PABIR3: variants seen among roughly 807,000 people sequenced by gnomAD.
PABIR3 encodes the protein PABIR family member 1.
Under a neutral mutation model 23.1 loss-of-function variants are expected in PABIR3, and 20 were observed. That is an observed-to-expected ratio of 0.86 (90% confidence interval 0.61 to 1.26). The LOEUF (loss-of-function observed/expected upper bound fraction) is 1.26, where lower values mean the gene tolerates loss of function less well. Among genes scored for constraint, PABIR3 ranks in the 50% most tolerant of loss-of-function variants. The pLI, the probability that PABIR3 is intolerant of heterozygous loss-of-function variation, is 0.00. For synonymous variants in PABIR3, 69 were observed against 68.5 expected (o/e 1.01, Z -0.04); for missense variants, 189 against 195.4 (o/e 0.97, Z 0.20).
rs969550539 is a variant in PABIR3 at position 134,854,552 on chromosome X, A to G, written c.*335A>G. On this transcript the variant is annotated 3_prime_UTR_variant, in exon 11 of 11. Coordinates refer to ENST00000645433, the MANE Select transcript of PABIR3 (RefSeq NM_001388447.1). ...TTTTTAAAATAATCTTATGAAACAT[A>G]ATTCTGATAAAATATAATTGTTCAA... 1 of 146,772 alleles carries G rather than the reference A, an allele frequency of 6.8e-6. No homozygotes were observed. Among genetic ancestry groups the G allele is most frequent in the Non-Finnish European group, 1.3e-5 (1 of 76,668 alleles). 12.1% of individuals were successfully genotyped at this position (146,772 alleles called of 1,213,427 possible). A position where few individuals can be genotyped will look rare whatever the true frequency, so the allele number is the denominator to read the frequency against.
rs374919785 is a variant in PABIR3 at position 134,849,869 on chromosome X, C to CTTTTTTT, written c.589+653_589+659dup. 2.7e-3 allele frequency among the ~76,000 whole-genome samples: 157 copies of CTTTTTTT among 58,842 alleles called. 10 individuals are homozygous for CTTTTTTT. Among genetic ancestry groups the CTTTTTTT allele is most frequent in the Middle Eastern group, 0.017 (1 of 58 alleles). The allele number at this position is 58,842 out of a possible 115,157, so 51.1% of individuals were successfully genotyped here. ...ACCTCACTAAATTATGCTCTTCTTC[C>CTTTTTTT]TTTTTTTTTTTTTTTTTTCTTGAGA... On this transcript the variant is annotated intron_variant, in intron 9 of 10. Transcript: ENST00000645433.
At chrX:134,848,062 A>C in intron 8 of PABIR3, 91 bp downstream of exon 8, 1 of 777,097 alleles carries the variant, frequency 1.3e-6, no homozygotes. Flanking sequence ...TTTTGTGCCA[A>C]CCAAAGAAGT....
At chrX:134,819,888 A>G (rs1195619181) in intron 3 of PABIR3, among the ~76,000 whole-genome samples, 1 of 111,520 alleles carries the variant, frequency 9.0e-6, no homozygotes, top group Non-Finnish European at 1.9e-5. Context: ...CTGTCTCAAA[A>G]ACAAAAACAA....
At chrX:134,805,613 G>A (rs1053853870), upstream of PABIR3, among the ~76,000 whole-genome samples, 67 of 112,005 alleles carry the variant, frequency 6.0e-4, no homozygotes, top group African/African-American at 2.2e-3. Flanking sequence ...AAAACATTTT[G>A]TAGGCCAGGC....
chrX:134,824,436 T>C (rs931791890), intron 3 of PABIR3, among the ~76,000 whole-genome samples: 3 of 112,368 alleles, frequency 2.7e-5, no homozygotes, highest in Non-Finnish European at 5.6e-5. Context: ...ACTCAGAATG[T>C]ATTAAATTAT....
intron 9 of PABIR3, 36 bp downstream of exon 9, chrX:134,849,264 TAA>T: frequency 1.7e-6 from 1 of 595,818 alleles, no homozygotes; most frequent in Non-Finnish European, 2.3e-6. Context: ...AATATAACTT[TAA>T]GTTATTTTAT....
chrX:134,843,340 A>G (rs1318289631), intron 4 of PABIR3, among the ~76,000 whole-genome samples: 1 of 110,545 alleles, frequency 9.0e-6, no homozygotes, highest in Non-Finnish European at 1.9e-5. Flanking sequence ...GTTATCTTCT[A>G]AGAGATTTAG....
upstream of PABIR3, among the ~76,000 whole-genome samples, chrX:134,806,631 C>A (rs767272713): frequency 5.9e-4 from 62 of 105,019 alleles, no homozygotes; most frequent in East Asian, 1.8e-3. Flanking sequence ...AAAAAAAAAA[C>A]AAAAAACTGT....
downstream of PABIR3, among the ~76,000 whole-genome samples, chrX:134,856,247 A>G (rs989323308): frequency 4.0e-4 from 41 of 103,681 alleles, no homozygotes; most frequent in African/African-American, 1.5e-3. Context: ...GTGCAGTGGC[A>G]TGATCTCGGC....
chrX:134,808,045 A>T, intron 2 of PABIR3: 3 of 300,214 alleles, frequency 1.0e-5, no homozygotes, highest in Non-Finnish European at 1.7e-5. Flanking sequence ...GAAGAAACTT[A>T]GTATCCTCCC....
Position 134,845,358 on chromosome X carries a change from G to A in PABIR3, c.302G>A (p.Ser101Asn). Reference protein sequence around the residue: ...RETMSEWKLQSEIQISHSWEE... With the variant: ...RETMSEWKLQNEIQISHSWEE... ...GATTTCTTTTGTAGGAAGCTACAAAGTGAGATACAGATAAGTCACTCTTGG... is the reference window on the plus strand; with the variant it reads ...GATTTCTTTTGTAGGAAGCTACAAAATGAGATACAGATAAGTCACTCTTGG... The change falls in exon 6 of 11, where the codon AGT becomes AAT. Residue 101 changes from serine (S) to asparagine (N), a missense_variant. Physicochemically the swap from Ser to Asn is conservative, Grantham distance 46. Transcript: ENST00000645433. 8.3e-7 allele frequency: 1 copy of A among 1,206,109 alleles called. No individual in the cohort carries two copies. Among genetic ancestry groups the A allele is most frequent in the Non-Finnish European group, 1.1e-6 (1 of 893,247 alleles).
At chrX:134,828,045 CTCTATATA>C (rs1348592151) in intron 3 of PABIR3, among the ~76,000 whole-genome samples, 4 of 59,222 alleles carry the variant, frequency 6.8e-5, no homozygotes, top group African/African-American at 2.6e-4. Context: ...CTCTCTCTCT[CTCTATATA>C]TATATATATA....
Position 134,800,640 on chromosome X carries a change from C to T in PABIR3, c.-97-3461C>T, listed in dbSNP as rs1236614030. On this transcript the variant is annotated intron_variant, in intron 1 of 4. Coordinates refer to the PABIR3 transcript ENST00000414371. ...CCCCGTCTCTACTAAAAATACAAAA[C>T]TTAGCAGGGCGTGGTGGTGCTCGTC... Among the ~76,000 whole-genome samples the T allele has an allele frequency of 5.4e-5, 6 of 110,103 alleles. No individual in the cohort carries two copies. The East Asian group carries it at 1.2e-3, about 21-fold the overall frequency.
chrX:134,837,735 C>A (rs942135220), intron 4 of PABIR3, among the ~76,000 whole-genome samples: 3 of 112,179 alleles, frequency 2.7e-5, no homozygotes, highest in Non-Finnish European at 5.6e-5. Flanking sequence ...TAACAACCTT[C>A]AATAGCTGAT....
intron 3 of PABIR3, among the ~76,000 whole-genome samples, chrX:134,815,302 A>G (rs2148156326): frequency 9.0e-6 from 1 of 111,368 alleles, no homozygotes; most frequent in African/African-American, 3.3e-5. Flanking sequence ...ATTGTAAATA[A>G]GATTTGCTTT....
chrX:134,862,927 A>T, the PABIR3 span, among the ~76,000 whole-genome samples: 1 of 112,167 alleles, frequency 8.9e-6, no homozygotes, highest in East Asian at 2.8e-4. Context: ...ACTTTCAGAT[A>T]TTTGGCAATG....
At chrX:134,854,022 A>T in intron 10 of PABIR3, 69 bp from the exon 11 acceptor site, 2 of 1,121,554 alleles carry the variant, frequency 1.8e-6, no homozygotes, top group Non-Finnish European at 2.4e-6. Flanking sequence ...ATTCATGTGT[A>T]GACAAAGCAG....
intron 4 of PABIR3, chrX:134,838,647 TCCCCCTCCCCCTC>T (rs2082060807): frequency 5.8e-4 from 2 of 3,465 alleles, no homozygotes; most frequent in African/African-American, 4.4e-3. Flanking sequence ...CCTCTCCCTC[TCCCCCTCCCCCTC>T]CCCCCTCCCC....
In PABIR3 at chrX:134,845,353, A is replaced by G. The variant is rs201577802; in HGVS notation, c.297A>G (p.Leu99=). The change falls in exon 6 of 11, where the codon CTA becomes CTG. Residue 99 remains leucine, a synonymous_variant. Transcript: ENST00000645433. The part of the protein sequence containing the change: ...INRETMSEWK[L]QSEIQISHSW... ...GTTTTGATTTCTTTTGTAGGAAGCT[A>G]CAAAGTGAGATACAGATAAGTCACT... is the stretch of plus-strand genomic sequence containing the variant. 1 of 1,205,646 alleles carries G rather than the reference A, an allele frequency of 8.3e-7. No homozygotes were observed. The highest frequency in any genetic ancestry group is 2.2e-5 in the Admixed American group (1 of 44,789).
Sources: allele counts gnomAD v4.1 joint callset (sites outside exome capture counted in the v4.1 genomes callset), GRCh38; gene constraint gnomAD v4.1.1; transcripts MANE v1.5; gene names NCBI Gene and HGNC (gene_info 2026-07-23, HGNC 2026-07-21).